IL1RAPL1: variants seen among roughly 807,000 people sequenced by gnomAD.
IL1RAPL1 encodes the protein interleukin-1 receptor accessory protein-like 1.
In IL1RAPL1, 3 loss-of-function variants were observed where a neutral mutation model predicts 48.4. That is an observed-to-expected ratio of 0.06 (90% CI 0.03 to 0.16). IL1RAPL1 has a LOEUF of 0.16. IL1RAPL1 is among the 10% of genes least tolerant of loss of function. The pLI is 1.00. For synonymous variants in IL1RAPL1, 185 were observed against 187.7 expected (o/e 0.99, Z 0.12); for missense variants, 349 against 530.6 (o/e 0.66, Z 3.36).
intron 1 of IL1RAPL1, among the ~76,000 whole-genome samples, chrX:28,753,177 G>T (rs1343764481): frequency 1.8e-5 from 2 of 111,664 alleles, no homozygotes; most frequent in Non-Finnish European, 3.8e-5. Flanking sequence ...TGCAACAGAG[G>T]CCATATGGCA....
chrX:28,854,365 G>A (rs769424970), intron 2 of IL1RAPL1, among the ~76,000 whole-genome samples: 2 of 111,433 alleles, frequency 1.8e-5, no homozygotes, highest in Admixed American at 1.9e-4. Flanking sequence ...ATGAAGGAGA[G>A]AAAGGAATCT....
chrX:29,805,397 GCACACA>G (rs746555380), intron 6 of IL1RAPL1, among the ~76,000 whole-genome samples: 1 of 106,483 alleles, frequency 9.4e-6, no homozygotes, highest in African/African-American at 3.5e-5. Context: ...AGTTACACAC[GCACACA>G]CACACACACA....
intron 2 of IL1RAPL1, among the ~76,000 whole-genome samples, chrX:28,986,929 A>G (rs745760400): frequency 8.9e-6 from 1 of 112,036 alleles, no homozygotes; most frequent in East Asian, 2.8e-4. Flanking sequence ...ATGGTCATAT[A>G]TATATGCAAA....
intron 5 of IL1RAPL1, among the ~76,000 whole-genome samples, chrX:29,565,306 A>G (rs1292943081): frequency 9.2e-6 from 1 of 108,116 alleles, no homozygotes; most frequent in Non-Finnish European, 1.9e-5. Context: ...CTCAAGATAT[A>G]AAGAGATAGC....
chrX:29,145,434 A>G (rs1036058492), intron 2 of IL1RAPL1, among the ~76,000 whole-genome samples: 8 of 112,456 alleles, frequency 7.1e-5, no homozygotes, highest in Non-Finnish European at 1.3e-4. Flanking sequence ...TATATGTTGA[A>G]ATGCAAATGA....
chrX:29,375,169 T>C (rs1193602028), intron 3 of IL1RAPL1, among the ~76,000 whole-genome samples: 1 of 93,767 alleles, frequency 1.1e-5, no homozygotes, highest in African/African-American at 3.9e-5. Flanking sequence ...ATTTTTTTTT[T>C]TTTTTTTTTG....
rs550090784 is a variant in IL1RAPL1, at chrX:29,508,875, C to T, written c.703+109567C>T. ...TATTTATGTGTTATTAGTCTTACCA[C>T]TTTTTTATATGGAGAAGTCAAAAAT... On this transcript the variant is annotated intron_variant, in intron 5 of 10. Coordinates refer to ENST00000378993, the MANE Select transcript of IL1RAPL1 (RefSeq NM_014271.4). Among the ~76,000 whole-genome samples, 3 of 112,185 alleles carry T rather than the reference C, an allele frequency of 2.7e-5. No individual in the cohort carries two copies. The South Asian group carries it at 1.1e-3, about 41-fold the overall frequency.
intron 2 of IL1RAPL1, among the ~76,000 whole-genome samples, chrX:29,211,598 T>C (rs1930770231): frequency 9.0e-6 from 1 of 111,056 alleles, no homozygotes; most frequent in Non-Finnish European, 1.9e-5. Context: ...CGCAGAAACA[T>C]TGTAGAACAC....
At chrX:29,846,439 T>G (rs1204643037) in intron 6 of IL1RAPL1, among the ~76,000 whole-genome samples, 1 of 111,359 alleles carries the variant, frequency 9.0e-6, no homozygotes, top group Non-Finnish European at 1.9e-5. Context: ...GCAATATGTG[T>G]GCCAATAATT....
intron 9 of IL1RAPL1, among the ~76,000 whole-genome samples, chrX:29,950,762 C>T (rs958565444): frequency 2.8e-5 from 3 of 107,948 alleles, no homozygotes; most frequent in Middle Eastern, 4.7e-3. Context: ...CTGCAAGCTC[C>T]GCCTCCCGGG....
intron 6 of IL1RAPL1, among the ~76,000 whole-genome samples, chrX:29,860,857 C>T (rs148983223): frequency 0.01 from 1,176 of 112,279 alleles, 14 homozygotes; most frequent in African/African-American, 0.035. Flanking sequence ...ACTCTGTCAC[C>T]TTAGCACCTC....
At chrX:29,682,512 C>CCA (rs1369098173) in intron 6 of IL1RAPL1, among the ~76,000 whole-genome samples, 3 of 111,666 alleles carry the variant, frequency 2.7e-5, no homozygotes, top group African/African-American at 9.8e-5. Context: ...GAATTAAATA[C>CCA]CACCTCTCAA....
intron 6 of IL1RAPL1, among the ~76,000 whole-genome samples, chrX:29,812,889 A>G (rs1421905681): frequency 1.8e-5 from 2 of 111,227 alleles, no homozygotes; most frequent in Non-Finnish European, 3.8e-5. Context: ...AACCTTACCA[A>G]TTGTGAGGTG....
At chrX:29,950,257 A>G (rs934901290) in intron 9 of IL1RAPL1, among the ~76,000 whole-genome samples, 4 of 112,558 alleles carry the variant, frequency 3.6e-5, no homozygotes, top group South Asian at 3.7e-4. Context: ...GTTATTTCAT[A>G]TATTAGTCTA....
intron 5 of IL1RAPL1, among the ~76,000 whole-genome samples, chrX:29,624,143 C>T (rs1924547449): frequency 8.9e-6 from 1 of 112,041 alleles, no homozygotes; most frequent in Non-Finnish European, 1.9e-5. Context: ...CAAGCTAAAT[C>T]ATTTTTGGGG....
intron 5 of IL1RAPL1, among the ~76,000 whole-genome samples, chrX:29,469,042 G>A (rs1569318126): frequency 9.0e-6 from 1 of 111,713 alleles, no homozygotes; most frequent in Non-Finnish European, 1.9e-5. Context: ...AATAACGTCT[G>A]CCTCCAACAT....
At chrX:28,756,095 TC>T (rs773589852) in intron 1 of IL1RAPL1, among the ~76,000 whole-genome samples, 19 of 111,494 alleles carry the variant, frequency 1.7e-4, no homozygotes, top group Non-Finnish European at 3.2e-4. Flanking sequence ...ATTATGTATT[TC>T]CCCCATAACT....
intron 2 of IL1RAPL1, among the ~76,000 whole-genome samples, chrX:29,262,256 A>G (rs996987874): frequency 8.9e-6 from 1 of 112,379 alleles, no homozygotes; most frequent in Non-Finnish European, 1.9e-5. Context: ...TATTTTTTGA[A>G]AGAGTGAAAT....
intron 2 of IL1RAPL1, among the ~76,000 whole-genome samples, chrX:29,252,165 A>G (rs1393828651): frequency 8.9e-6 from 1 of 112,929 alleles, no homozygotes; most frequent in Non-Finnish European, 1.9e-5. Flanking sequence ...ACCTAATGCT[A>G]GATGACGAGT....
Sources: allele counts gnomAD v4.1 joint callset (sites outside exome capture counted in the v4.1 genomes callset), GRCh38; gene constraint gnomAD v4.1.1; transcripts MANE v1.5; gene names NCBI Gene and HGNC (gene_info 2026-07-23, HGNC 2026-07-21).